The following SMURF2 variants were observed in gnomAD, a reference collection of about 807,000 sequenced individuals.
The protein encoded by SMURF2 is SMAD specific E3 ubiquitin protein ligase 2, also known as E3 ubiquitin-protein ligase SMURF2.
A neutral mutation model predicts 109.6 loss-of-function variants in SMURF2; 48 were observed. The observed-to-expected ratio is 0.44, with a 90% confidence interval of 0.35 to 0.56. SMURF2 has a LOEUF of 0.56. SMURF2 is among the 20% of genes least tolerant of loss of function. SMURF2 has a pLI of 0.01. For missense variants in SMURF2, 575 were observed against 909.0 expected (o/e 0.63, Z 4.72); for synonymous variants, 288 against 317.1 (o/e 0.91, Z 0.97).
chr17:64,653,698 A>G (rs964801985), intron 1 of SMURF2, among the ~76,000 whole-genome samples: 2 of 152,122 alleles, frequency 1.3e-5, no homozygotes, highest in African/African-American at 4.8e-5. Flanking sequence ...TCCGCCCAGC[A>G]GATTTTTAAA....
intron 13 of SMURF2, among the ~76,000 whole-genome samples, chr17:64,556,930 T>C (rs1969129385): frequency 6.6e-6 from 1 of 152,220 alleles, no homozygotes; most frequent in Non-Finnish European, 1.5e-5. Flanking sequence ...CATTATACTA[T>C]TTGATAACCT....
chr17:64,606,856 G>C (rs1555689106), intron 1 of SMURF2, among the ~76,000 whole-genome samples: 1 of 152,102 alleles, frequency 6.6e-6, no homozygotes, highest in Non-Finnish European at 1.5e-5. Context: ...GGGCAAGAAA[G>C]TTTATAAATC....
At chr17:64,566,245 A>C (rs1365534588) in intron 10 of SMURF2, among the ~76,000 whole-genome samples, 1 of 151,850 alleles carries the variant, frequency 6.6e-6, no homozygotes, top group Non-Finnish European at 1.5e-5. Context: ...GAATCTTTTT[A>C]AAACTACAAT....
intron 1 of SMURF2, among the ~76,000 whole-genome samples, chr17:64,655,134 G>C (rs1476279943): frequency 3.3e-5 from 5 of 151,858 alleles, no homozygotes; most frequent in Admixed American, 3.3e-4. Flanking sequence ...AACAATATGG[G>C]CCAAAGCTTA....
At chr17:64,648,142 AC>A (rs1411525646) in intron 1 of SMURF2, among the ~76,000 whole-genome samples, 1 of 150,670 alleles carries the variant, frequency 6.6e-6, no homozygotes, top group East Asian at 1.9e-4. Flanking sequence ...ATATCTTAAA[AC>A]CATAGAACTC....
chr17:64,617,925 C>T (rs541371140), intron 1 of SMURF2, among the ~76,000 whole-genome samples: 20 of 152,180 alleles, frequency 1.3e-4, no homozygotes, highest in African/African-American at 4.6e-4. Flanking sequence ...TGAGACTATA[C>T]AAATAAGCTT....
chr17:64,591,244 G>T, intron 4 of SMURF2, 95 bp from the exon 5 acceptor site: 2 of 897,444 alleles, frequency 2.2e-6, no homozygotes, highest in Non-Finnish European at 3.5e-6. Flanking sequence ...CAATCCATTA[G>T]AAATCAAACC....
At position 64,621,787 on chromosome 17, in the gene SMURF2, T is replaced by C. The variant is rs189267364; in HGVS notation, c.53-15147A>G. 2.8e-3 allele frequency among the ~76,000 whole-genome samples: 427 copies of C among 151,154 alleles called. 4 individuals are homozygous for C. Among genetic ancestry groups the C allele is most frequent in the African/African-American group, 0.01 (413 of 41,032 alleles). ...TACTCAGGAGGCTGAGGCAGGAGAA[T>C]TGCTTGAACCGGGACCCGGGAGGCG... On this transcript the variant is annotated intron_variant, in intron 1 of 18. Coordinates refer to ENST00000262435, the MANE Select transcript of SMURF2 (RefSeq NM_022739.4).
chr17:64,619,764 T>C (rs927361237), intron 1 of SMURF2, among the ~76,000 whole-genome samples: 8 of 151,956 alleles, frequency 5.3e-5, no homozygotes, highest in South Asian at 2.1e-4. Flanking sequence ...TCATGAAGGC[T>C]CCACCCTCAT....
intron 2 of SMURF2, among the ~76,000 whole-genome samples, chr17:64,604,586 C>G (rs1969943505): frequency 6.6e-6 from 1 of 151,992 alleles, no homozygotes; most frequent in South Asian, 2.1e-4. Flanking sequence ...AGCTGGGAGA[C>G]AAAACTGAAG....
intron 2 of SMURF2, 69 bp downstream of exon 2, chr17:64,606,533 G>A (rs1199249099): frequency 8.8e-7 from 1 of 1,130,778 alleles, no homozygotes; most frequent in East Asian, 2.6e-5. Flanking sequence ...CCCTAAACCA[G>A]AGAATTCTGA....
intron 1 of SMURF2, among the ~76,000 whole-genome samples, chr17:64,631,302 G>C (rs1970343409): frequency 8.3e-6 from 1 of 120,140 alleles, no homozygotes; most frequent in Non-Finnish European, 1.7e-5. Flanking sequence ...GAGAGAGAGA[G>C]AGAGAGAGAG....
intron 7 of SMURF2, among the ~76,000 whole-genome samples, chr17:64,582,580 G>A (rs1021463582): frequency 6.6e-6 from 1 of 151,726 alleles, no homozygotes; most frequent in Non-Finnish European, 1.5e-5. Flanking sequence ...TAATTCATTC[G>A]ATTTTTATTT....
At chr17:64,576,599 G>A (rs1969494230) in intron 9 of SMURF2, among the ~76,000 whole-genome samples, 1 of 151,006 alleles carries the variant, frequency 6.6e-6, no homozygotes, top group Non-Finnish European at 1.5e-5. Context: ...GGGAGGCGGA[G>A]GTTGCAGTGA....
At chr17:64,558,448 C>G (rs1223449247) in intron 12 of SMURF2, among the ~76,000 whole-genome samples, 3 of 151,684 alleles carry the variant, frequency 2.0e-5, no homozygotes, top group African/African-American at 7.3e-5. Context: ...CTACTCCTAT[C>G]ACGACCAGTT....
At chr17:64,629,886 G>A (rs1304103597) in intron 1 of SMURF2, among the ~76,000 whole-genome samples, 2 of 152,102 alleles carry the variant, frequency 1.3e-5, no homozygotes, top group East Asian at 1.9e-4. Context: ...GAACTGTCCT[G>A]GGGGGATGTT....
intron 6 of SMURF2, among the ~76,000 whole-genome samples, chr17:64,583,842 G>A (rs1969609327): frequency 6.6e-6 from 1 of 151,810 alleles, no homozygotes; most frequent in South Asian, 2.1e-4. Context: ...CCAGAATATG[G>A]AAAATGGCTA....
At chr17:64,627,904 G>A (rs376780611) in intron 1 of SMURF2, among the ~76,000 whole-genome samples, 70 of 152,242 alleles carry the variant, frequency 4.6e-4, no homozygotes, top group African/African-American at 1.4e-3. Context: ...CCCTGACAGC[G>A]CGCTTAGACT....
Position 64,547,543 on chromosome 17 carries a change from A to T in SMURF2, c.2071+57T>A. 6.8e-7 allele frequency: 1 copy of T among 1,467,864 alleles called. No individual in the cohort carries two copies. The highest frequency in any genetic ancestry group is 1.1e-5 in the South Asian group (1 of 88,212). The allele number at this position is 1,467,864 out of a possible 1,614,324, so 90.9% of individuals were successfully genotyped here. On this transcript the variant is annotated intron_variant, in intron 17 of 18. Transcript: ENST00000262435. This position sits in a 1 kb window ranked among gnomAD's most constrained non-coding sequence, Gnocchi z 4.2. Reference sequence around the variant, plus strand: ...TTTACAAAATATCTCCACAGACCCCACGCTGACAGCCCCGCCCCCACCCGC... The same window carrying T: ...TTTACAAAATATCTCCACAGACCCCTCGCTGACAGCCCCGCCCCCACCCGC...
Sources: gnomAD v4.1 joint callset for allele counts (sites outside exome capture counted in the v4.1 genomes callset) on GRCh38, gnomAD v4.1.1 for gene constraint, Gnocchi (gnomAD v3.1) non-coding constraint, MANE v1.5 for transcripts, NCBI Gene and HGNC (gene_info 2026-07-23, HGNC 2026-07-21) for gene names.